Variants in MACIR observed in about 807,000 individuals in gnomAD.
MACIR encodes UNC119-binding protein C5orf30.
Under a neutral mutation model 14.3 loss-of-function variants are expected in MACIR, and 4 were observed. The ratio of observed to expected loss-of-function variants is 0.28; its 90% CI spans 0.14 to 0.64. The LOEUF is 0.64. Ranked by LOEUF, MACIR falls within the 30% of genes least tolerant of loss-of-function variation. The pLI, the probability that MACIR is intolerant of heterozygous loss-of-function variation, is 0.83. For synonymous variants in MACIR, 101 were observed against 102.4 expected (o/e 0.99, Z 0.08); for missense variants, 228 against 257.6 (o/e 0.89, Z 0.79).
intron 1 of MACIR, among the ~76,000 whole-genome samples, chr5:103,263,869 T>C (rs1433978709): frequency 6.6e-6 from 1 of 152,198 alleles, no homozygotes; most frequent in East Asian, 1.9e-4. Context: ...GATACCTTTT[T>C]TTCTGTCGCA....
chr5:103,271,884 A>G (rs35802), intron 2 of MACIR, among the ~76,000 whole-genome samples: 1 of 151,990 alleles, frequency 6.6e-6, no homozygotes, highest in South Asian at 2.1e-4. Flanking sequence ...TTTGCTTTAA[A>G]TTATATATGA....
intron 1 of MACIR, among the ~76,000 whole-genome samples, chr5:103,263,864 CT>C (rs1181432788): frequency 2.0e-5 from 3 of 152,018 alleles, no homozygotes; most frequent in South Asian, 2.1e-4. Flanking sequence ...TGGTTGATAC[CT>C]TTTTTTCTGT....
intron 2 of MACIR, among the ~76,000 whole-genome samples, chr5:103,275,097 G>A (rs1805272649): frequency 2.0e-5 from 3 of 152,088 alleles, no homozygotes; most frequent in South Asian, 4.1e-4. Context: ...AACGTCTTGG[G>A]TATTGAAAAA....
At chr5:103,266,136 A>T (rs1804915623) in intron 2 of MACIR, 139 bp downstream of exon 2, 1 of 152,194 alleles carries the variant, frequency 6.6e-6, no homozygotes, top group Admixed American at 6.5e-5. Flanking sequence ...TTGGTGTATT[A>T]TTGCAAATAT....
chr5:103,268,870 T>C (rs1554236909), intron 2 of MACIR, among the ~76,000 whole-genome samples: 1 of 152,048 alleles, frequency 6.6e-6, no homozygotes, highest in Non-Finnish European at 1.5e-5. Flanking sequence ...GTCTTCTCTA[T>C]ATTTCAAGGT....
rs150195375 is a variant in MACIR at position 103,276,123 on chromosome 5, G to C, written c.204G>C (p.Glu68Asp). The change falls in exon 3 of 3, where the codon GAG becomes GAC. Residue 68 changes from glutamate (E) to aspartate (D), a missense_variant. Glu to Asp is a conservative substitution (Grantham distance 45, BLOSUM62 2). Transcript: ENST00000319933. ...SNYLVGFTTGEELLKLAQKCT... is the reference protein window; with the variant it reads ...SNYLVGFTTGDELLKLAQKCT... ...ATTTGGTTGGCTTCACGACTGGCGA[G>C]GAACTCCTGAAGTTAGCTCAGAAGT... 4.2e-4 allele frequency: 684 copies of C among 1,614,010 alleles called. No homozygotes were observed. Among genetic ancestry groups the C allele is most frequent in the Non-Finnish European group, 5.1e-4 (605 of 1,179,998 alleles).
chr5:103,267,083 G>A (rs1229587658), intron 2 of MACIR, among the ~76,000 whole-genome samples: 2 of 152,072 alleles, frequency 1.3e-5, no homozygotes, highest in Admixed American at 1.3e-4. Context: ...AGAAACTACA[G>A]GAATGTATGT....
rs372789948 is a variant in MACIR, at chr5:103,276,113, C to A, written c.194C>A (p.Thr65Lys). 1 of 1,613,948 alleles carries A rather than the reference C, an allele frequency of 6.2e-7. No homozygotes were observed. The highest frequency in any genetic ancestry group is 8.5e-7 in the Non-Finnish European group (1 of 1,180,008). Residue 65 changes from threonine to lysine, a missense_variant, in exon 3 of 3, where the codon ACG (threonine) becomes AAG (lysine). Coordinates refer to ENST00000319933, the MANE Select transcript of MACIR (RefSeq NM_033211.4). ...HMDSNYLVGF[T>K]TGEELLKLAQ... Reference sequence around the variant, plus strand: ...GACTCTAACTATTTGGTTGGCTTCACGACTGGCGAGGAACTCCTGAAGTTA... The same window carrying A: ...GACTCTAACTATTTGGTTGGCTTCAAGACTGGCGAGGAACTCCTGAAGTTA...
chr5:103,265,438 G>A (rs142241564), intron 1 of MACIR, among the ~76,000 whole-genome samples: 126 of 152,208 alleles, frequency 8.3e-4, no homozygotes, highest in African/African-American at 2.9e-3. Context: ...GGGTTATTAC[G>A]GTCCACATTT....
At chr5:103,274,912 C>G (rs1554237467) in intron 2 of MACIR, among the ~76,000 whole-genome samples, 1 of 152,080 alleles carries the variant, frequency 6.6e-6, no homozygotes, top group East Asian at 1.9e-4. Flanking sequence ...CACTATTTCC[C>G]TTAGTATTTT....
rs1805397309 is a variant in MACIR at position 103,277,988 on chromosome 5, C to A, written c.*1448C>A. The A allele has an allele frequency of 6.0e-6, 1 of 166,960 alleles. No homozygotes were observed. The allele number at this position is 166,960 out of a possible 1,614,324, so 10.3% of individuals were successfully genotyped here. On this transcript the variant is annotated 3_prime_UTR_variant, in exon 3 of 3. Coordinates refer to ENST00000319933, the MANE Select transcript of MACIR (RefSeq NM_033211.4). ...CTTTAGCCAGAATGAATGGCAAACT[C>A]TATTTAGAGCAAAGTAAGTATTAGA... is the stretch of plus-strand genomic sequence containing the variant.
In MACIR at chr5:103,276,611, C is replaced by T; in HGVS notation, c.*71C>T. On this transcript the variant is annotated 3_prime_UTR_variant, in exon 3 of 3. Transcript: ENST00000319933. ...GCTAGAAAAAACCCACTGCTGTACT[C>T]TGTACATGACTCTTCACACTATAGA... The T allele has an allele frequency of 3.0e-6, 4 of 1,338,354 alleles. No individual in the cohort carries two copies. Among genetic ancestry groups the T allele is most frequent in the Non-Finnish European group, 4.1e-6 (4 of 974,036 alleles). The allele number at this position is 1,338,354 out of a possible 1,614,324, so 82.9% of individuals were successfully genotyped here.
chr5:103,272,681 T>C (rs1805177346), intron 2 of MACIR, among the ~76,000 whole-genome samples: 1 of 152,186 alleles, frequency 6.6e-6, no homozygotes, highest in Non-Finnish European at 1.5e-5. Context: ...CCTAGCTTTC[T>C]TGGTGCAGCA....
intron 2 of MACIR, among the ~76,000 whole-genome samples, chr5:103,271,776 T>A (rs538552923): frequency 1.3e-5 from 2 of 152,190 alleles, no homozygotes; most frequent in African/African-American, 4.8e-5. Flanking sequence ...ACGTTTCTAT[T>A]CTTGTTTCAT....
intron 2 of MACIR, among the ~76,000 whole-genome samples, chr5:103,269,200 C>T (rs538467033): frequency 1.3e-5 from 2 of 151,884 alleles, no homozygotes; most frequent in African/African-American, 2.4e-5. Context: ...AGAGCAAGAC[C>T]CTGTGTCTAA....
chr5:103,272,730 G>A (rs542326348), intron 2 of MACIR, among the ~76,000 whole-genome samples: 5 of 152,170 alleles, frequency 3.3e-5, no homozygotes, highest in South Asian at 4.1e-4. Context: ...TAAGTAAAAC[G>A]AATCCTTTAG....
chr5:103,269,669 G>A (rs1296534656), intron 2 of MACIR, among the ~76,000 whole-genome samples: 1 of 152,066 alleles, frequency 6.6e-6, no homozygotes, highest in Non-Finnish European at 1.5e-5. Context: ...TAGATAGGAA[G>A]CTTGGCCTCT....
At chr5:103,268,406 A>G (rs980592024) in intron 2 of MACIR, among the ~76,000 whole-genome samples, 3 of 152,182 alleles carry the variant, frequency 2.0e-5, no homozygotes, top group South Asian at 4.1e-4. Flanking sequence ...TGGTTAGCAG[A>G]TATTTCCAGC....
At chr5:103,273,561 C>T (rs1580581634) in intron 2 of MACIR, among the ~76,000 whole-genome samples, 1 of 152,244 alleles carries the variant, frequency 6.6e-6, no homozygotes, top group Admixed American at 6.5e-5. Context: ...TTATCTTCAA[C>T]CCCCAAGGAT....
Sources: allele counts gnomAD v4.1 joint callset (sites outside exome capture counted in the v4.1 genomes callset), GRCh38; gene constraint gnomAD v4.1.1; transcripts MANE v1.5; gene names NCBI Gene and HGNC (gene_info 2026-07-23, HGNC 2026-07-21).